The following SKAP2 variants were observed in gnomAD, a reference collection of about 807,000 sequenced individuals.
The protein encoded by SKAP2 is src kinase-associated phosphoprotein 2.
A neutral mutation model predicts 54.9 loss-of-function variants in SKAP2; 28 were observed. The observed-to-expected ratio is 0.51, with a 90% confidence interval of 0.38 to 0.70. The LOEUF (loss-of-function observed/expected upper bound fraction) is 0.70. Among genes scored for constraint, SKAP2 ranks in the 30% least tolerant of loss-of-function variants. The pLI is 0.00. For synonymous variants in SKAP2, 137 were observed against 134.3 expected (o/e 1.02, Z -0.14); for missense variants, 356 against 424.1 (o/e 0.84, Z 1.41).
At chr7:26,694,612 ACT>A (rs1200530112) in intron 9 of SKAP2, among the ~76,000 whole-genome samples, 2 of 151,738 alleles carry the variant, frequency 1.3e-5, no homozygotes, top group Non-Finnish European at 2.9e-5. Context: ...TTAACAATAA[ACT>A]CTGTCAAAAA....
At chr7:26,862,641 G>C (rs971368908) in intron 1 of SKAP2, among the ~76,000 whole-genome samples, 1 of 151,972 alleles carries the variant, frequency 6.6e-6, no homozygotes, top group Non-Finnish European at 1.5e-5. Flanking sequence ...ATGTAATTTT[G>C]AGTTTTTAGT....
intron 4 of SKAP2, among the ~76,000 whole-genome samples, chr7:26,840,426 A>G (rs1188346580): frequency 6.6e-6 from 1 of 152,112 alleles, no homozygotes; most frequent in Non-Finnish European, 1.5e-5. Context: ...CACAAATGAC[A>G]AAAATGAATG....
At chr7:26,831,080 C>T (rs1391748227) in intron 4 of SKAP2, among the ~76,000 whole-genome samples, 2 of 152,040 alleles carry the variant, frequency 1.3e-5, no homozygotes, top group African/African-American at 4.8e-5. Context: ...TCATATATAG[C>T]TTCATAAGTG....
intron 3 of SKAP2, among the ~76,000 whole-genome samples, chr7:26,850,099 T>C (rs1300724066): frequency 6.6e-6 from 1 of 152,220 alleles, no homozygotes; most frequent in African/African-American, 2.4e-5. Context: ...ATTTACTAAA[T>C]AGTAACATAT....
At chr7:26,679,663 G>A (rs1423378654) in intron 11 of SKAP2, among the ~76,000 whole-genome samples, 1 of 152,126 alleles carries the variant, frequency 6.6e-6, no homozygotes, top group African/African-American at 2.4e-5. Flanking sequence ...GTGGCATACT[G>A]GGTCATACGG....
intron 4 of SKAP2, among the ~76,000 whole-genome samples, 171 bp downstream of exon 4, chr7:26,843,859 G>A (rs1315408245): frequency 6.6e-6 from 1 of 151,884 alleles, no homozygotes; most frequent in African/African-American, 2.4e-5. Flanking sequence ...TACATACTTA[G>A]GAAAACCTCA....
intron 9 of SKAP2, among the ~76,000 whole-genome samples, chr7:26,714,516 A>G (rs1787389190): frequency 6.6e-6 from 1 of 152,198 alleles, no homozygotes; most frequent in African/African-American, 2.4e-5. Flanking sequence ...CATTTTGTTG[A>G]AAGTTTTACA....
At chr7:26,665,082 CACTT>C (rs996720625), downstream of SKAP2, among the ~76,000 whole-genome samples, 7 of 152,154 alleles carry the variant, frequency 4.6e-5, no homozygotes, top group Admixed American at 1.3e-4. Flanking sequence ...TGAAACTTCC[CACTT>C]ACTTGCACAA....
At chr7:26,662,357 T>A (rs1410965469), downstream of SKAP2, among the ~76,000 whole-genome samples, 1 of 152,132 alleles carries the variant, frequency 6.6e-6, no homozygotes, top group Non-Finnish European at 1.5e-5. Context: ...AAGGAAAGAT[T>A]CCCAGTTTGT....
chr7:26,768,950 C>T (rs1328212608), intron 4 of SKAP2, among the ~76,000 whole-genome samples: 1 of 152,104 alleles, frequency 6.6e-6, no homozygotes, highest in Non-Finnish European at 1.5e-5. Context: ...TTGCTCTTCT[C>T]GAGGAGTATC....
At position 26,738,787 on chromosome 7, in the gene SKAP2, A is replaced by G. The variant is rs10951145; in HGVS notation, c.469+8T>C. 0.57 allele frequency: 865,542 copies of G among 1,523,700 alleles called. 250,281 individuals carry two copies. The highest frequency in any genetic ancestry group is 0.87 in the East Asian group (38,548 of 44,328). The allele number at this position is 1,523,700 out of a possible 1,614,324, so 94.4% of individuals were successfully genotyped here. On this transcript the variant is annotated splice_region_variant and intron_variant, in intron 6 of 12. Transcript: ENST00000345317. ...ATAGTAGTTGATATAATTGAACACC[A>G]ACATTACCTTTATCACTTCCATAAT... is the stretch of plus-strand genomic sequence containing the variant.
In SKAP2 at chr7:26,706,375, GT is replaced by G. The variant is rs925598258; in HGVS notation, c.797-16014del. Among the ~76,000 whole-genome samples, 5 of 151,822 alleles carry G rather than the reference GT, an allele frequency of 3.3e-5. No individual in the cohort carries two copies. The South Asian group carries it at 8.3e-4, about 25-fold the overall frequency. Reference sequence around the variant, plus strand: ...ATTTTCTTAGTTATATAATATCTATGTTTTTTTTATAACTAGCCCTCACGTG... The same window carrying G: ...ATTTTCTTAGTTATATAATATCTATGTTTTTTTATAACTAGCCCTCACGTG... On this transcript the variant is annotated intron_variant, in intron 9 of 12. Coordinates refer to ENST00000345317, the MANE Select transcript of SKAP2 (RefSeq NM_003930.5).
chr7:26,755,225 C>A (rs1052737275), intron 4 of SKAP2, among the ~76,000 whole-genome samples: 17 of 150,560 alleles, frequency 1.1e-4, no homozygotes, highest in Admixed American at 9.2e-4. Flanking sequence ...TTCTAATGTA[C>A]TTTTACAAAT....
intron 4 of SKAP2, among the ~76,000 whole-genome samples, chr7:26,777,008 A>G (rs923354816): frequency 6.6e-6 from 1 of 152,152 alleles, no homozygotes; most frequent in Non-Finnish European, 1.5e-5. Flanking sequence ...CCAAATGAGG[A>G]ATCTGGAGTG....
downstream of SKAP2, among the ~76,000 whole-genome samples, chr7:26,662,910 G>A (rs561244827): frequency 1.9e-4 from 29 of 152,176 alleles, no homozygotes; most frequent in African/African-American, 6.7e-4. Context: ...CAGCTCCTTG[G>A]AATAGCCTGA....
At chr7:26,810,481 G>A (rs1466883992) in intron 4 of SKAP2, among the ~76,000 whole-genome samples, 1 of 152,126 alleles carries the variant, frequency 6.6e-6, no homozygotes, top group Non-Finnish European at 1.5e-5. Flanking sequence ...GGAGGAGTAA[G>A]TTCAGAAATC....
chr7:26,775,919 T>A (rs1236627399), intron 4 of SKAP2, among the ~76,000 whole-genome samples: 1 of 152,196 alleles, frequency 6.6e-6, no homozygotes, highest in Non-Finnish European at 1.5e-5. Context: ...TAGCATAGTT[T>A]GTTTCTACCT....
chr7:26,828,983 C>T (rs1310445940), intron 4 of SKAP2, among the ~76,000 whole-genome samples: 6 of 149,452 alleles, frequency 4.0e-5, no homozygotes, highest in Admixed American at 2.0e-4. Flanking sequence ...GAGCTAAGAT[C>T]GCGCCATTGC....
chr7:26,724,954 A>ACATT (rs1259679057), intron 9 of SKAP2, among the ~76,000 whole-genome samples: 1 of 152,114 alleles, frequency 6.6e-6, no homozygotes, highest in Non-Finnish European at 1.5e-5. Context: ...TAGTTCAACA[A>ACATT]CATTCCTCTG....
Sources: allele counts gnomAD v4.1 joint callset (sites outside exome capture counted in the v4.1 genomes callset), GRCh38; gene constraint gnomAD v4.1.1; transcripts MANE v1.5; gene names NCBI Gene and HGNC (gene_info 2026-07-23, HGNC 2026-07-21).